The following ACTN1 variants were observed in gnomAD, a reference collection of about 807,000 sequenced individuals.
ACTN1 encodes alpha-actinin-1.
Under a neutral mutation model 119.6 loss-of-function variants are expected in ACTN1, and 30 were observed. That is an observed-to-expected ratio of 0.25 (90% CI 0.19 to 0.34). The LOEUF (loss-of-function observed/expected upper bound fraction) is 0.34, where lower values mean the gene tolerates loss of function less well. ACTN1 is among the 10% of genes least tolerant of loss of function. The probability of loss-of-function intolerance (pLI) is 1.00; values close to 1 mark genes in which losing one functional copy is unlikely to be tolerated. For synonymous variants in ACTN1, 429 were observed against 472.6 expected, an observed-to-expected ratio of 0.91 and a Z score of 1.20; for missense variants, 764 against 1,223.4, an observed-to-expected ratio of 0.62 and a Z score of 5.60.
At chr14:68,945,021 C>T (rs1052112856) in intron 1 of ACTN1, among the ~76,000 whole-genome samples, 1 of 151,882 alleles carries the variant, frequency 6.6e-6, no homozygotes, top group African/African-American at 2.4e-5. Flanking sequence ...ACAAAATTAG[C>T]TGGGTGTGGT....
rs2034492797 is a variant in ACTN1 at position 68,918,984 on chromosome 14, C to G, written c.340+2022G>C. Reference sequence around the variant, plus strand: ...GGTGATACCCATCCTACGAGCCCATCATGAGTGTAGCAGGAGATGGCCCAC... The same window carrying G: ...GGTGATACCCATCCTACGAGCCCATGATGAGTGTAGCAGGAGATGGCCCAC... On this transcript the variant is annotated intron_variant, in intron 3 of 21. Coordinates refer to ENST00000394419, the MANE Select transcript of ACTN1 (RefSeq NM_001130004.2). Among the ~76,000 whole-genome samples the G allele has an allele frequency of 6.6e-5, 10 of 152,340 alleles. No individual in the cohort carries two copies. In the South Asian group the frequency reaches 2.1e-3, roughly 32 times the overall value.
At chr14:68,920,847 A>G (rs2034605224) in intron 3 of ACTN1, among the ~76,000 whole-genome samples, 159 bp downstream of exon 3, 1 of 152,196 alleles carries the variant, frequency 6.6e-6, no homozygotes, top group East Asian at 1.9e-4. Context: ...CGCTGTTGCA[A>G]TACAAAGCCT....
At chr14:68,936,070 G>T (rs10151706) in intron 1 of ACTN1, among the ~76,000 whole-genome samples, 14,544 of 149,306 alleles carry the variant, frequency 0.097, 852 homozygotes, top group South Asian at 0.18. Context: ...GCGCAAACAA[G>T]TCCCTCCTAC....
Position 68,885,334 on chromosome 14 carries a change from C to CAA in ACTN1, c.1385+90_1385+91insTT. On this transcript the variant is annotated intron_variant, in intron 12 of 21. Coordinates refer to ENST00000394419, the MANE Select transcript of ACTN1 (RefSeq NM_001130004.2). This position sits in a 1 kb window ranked among gnomAD's most constrained non-coding sequence, Gnocchi z 5.6. Reference sequence around the variant, plus strand: ...ACCCACCTGTACCCACCCTCCCCATCTTCCACGGCCACACCCCCACCTCCC... The same window carrying CAA: ...ACCCACCTGTACCCACCCTCCCCATCAATTCCACGGCCACACCCCCACCTCCC... 11 of 1,174,758 alleles carry CAA rather than the reference C, an allele frequency of 9.4e-6. No individual in the cohort carries two copies. Among genetic ancestry groups the CAA allele is most frequent in the Non-Finnish European group, 9.3e-6 (8 of 864,462 alleles). 72.8% of individuals were successfully genotyped at this position (1,174,758 alleles called of 1,614,324 possible).
At position 68,887,528 on chromosome 14, in the gene ACTN1, C is replaced by T. The variant is rs1594763662; in HGVS notation, c.1235-1953G>A. On this transcript the variant is annotated intron_variant, in intron 11 of 21. Coordinates refer to ENST00000394419, the MANE Select transcript of ACTN1 (RefSeq NM_001130004.2). ...TGGAATGTTAAGCTGACACCCGAGA[C>T]AGTCAAAGCCTCCCATAATTCAATA... 3 of 1,252,656 alleles carry T rather than the reference C, an allele frequency of 2.4e-6. No individual in the cohort carries two copies. In the South Asian group the frequency reaches 3.8e-5, roughly 16 times the overall value. The allele number at this position is 1,252,656 out of a possible 1,614,324, so 77.6% of individuals were successfully genotyped here.
At chr14:68,935,747 C>A (rs897549799) in intron 1 of ACTN1, among the ~76,000 whole-genome samples, 2 of 152,168 alleles carry the variant, frequency 1.3e-5, no homozygotes, top group Non-Finnish European at 2.9e-5. Flanking sequence ...CTCTGGCTGA[C>A]CTCCCCAGAG....
intron 1 of ACTN1, among the ~76,000 whole-genome samples, chr14:68,936,118 C>T (rs2035493194): frequency 1.3e-5 from 2 of 151,994 alleles, no homozygotes; most frequent in African/African-American, 4.8e-5. Context: ...CCCATCAGAA[C>T]ACGCCTAATG....
chr14:68,941,136 C>A (rs1310239142), intron 1 of ACTN1, among the ~76,000 whole-genome samples: 4 of 152,176 alleles, frequency 2.6e-5, no homozygotes, highest in Non-Finnish European at 5.9e-5. Flanking sequence ...GGCATGAAGC[C>A]CCTGAAGAGC....
chr14:68,894,189 C>T (rs577672634), intron 8 of ACTN1, among the ~76,000 whole-genome samples: 18 of 152,240 alleles, frequency 1.2e-4, no homozygotes, highest in Non-Finnish European at 1.3e-4. Context: ...AATTCAAATC[C>T]GGGAGTCCTG....
chr14:68,891,528 A>G (rs934356699), intron 10 of ACTN1, among the ~76,000 whole-genome samples: 1 of 152,218 alleles, frequency 6.6e-6, no homozygotes, highest in African/African-American at 2.4e-5. Context: ...AAAAAACCAA[A>G]AGGATTAAAA....
chr14:68,910,762 G>T (rs1236942959), intron 4 of ACTN1, among the ~76,000 whole-genome samples: 1 of 152,134 alleles, frequency 6.6e-6, no homozygotes, highest in Non-Finnish European at 1.5e-5. Context: ...TGATTGAGTC[G>T]TGGGCGTGGT....
chr14:68,934,472 T>C (rs10136928), intron 1 of ACTN1, among the ~76,000 whole-genome samples: 15,434 of 152,304 alleles, frequency 0.1, 948 homozygotes, highest in African/African-American at 0.16. Context: ...TCTGATCATT[T>C]CCACTGCTGG....
chr14:68,906,226 A>G (rs1028948084), intron 6 of ACTN1, among the ~76,000 whole-genome samples: 1 of 152,226 alleles, frequency 6.6e-6, no homozygotes, highest in Non-Finnish European at 1.5e-5. Context: ...AAATGGTTAA[A>G]GTGGTAAATT....
chr14:68,964,809 A>G (rs753117773), intron 1 of ACTN1, among the ~76,000 whole-genome samples: 16 of 152,106 alleles, frequency 1.1e-4, no homozygotes, highest in Non-Finnish European at 2.1e-4. Context: ...CACCAAGATC[A>G]CCGCCGCCAC....
chr14:68,953,192 G>A (rs2036229585), intron 1 of ACTN1, among the ~76,000 whole-genome samples: 1 of 152,180 alleles, frequency 6.6e-6, no homozygotes. Context: ...ACTCACAGCT[G>A]TGATGATCTG....
At chr14:68,944,100 A>G (rs2035851585) in intron 1 of ACTN1, among the ~76,000 whole-genome samples, 4 of 152,276 alleles carry the variant, frequency 2.6e-5, no homozygotes, top group Non-Finnish European at 4.4e-5. Flanking sequence ...GCTTAAAGCC[A>G]GCCACGAGAG....
chr14:68,875,274 G>T, intron 21 of ACTN1: 1 of 924,398 alleles, frequency 1.1e-6, no homozygotes, highest in African/African-American at 1.7e-5. Context: ...CTAATTCCAT[G>T]TGCCAATTAC....
chr14:68,915,164 G>C (rs1275967094), intron 3 of ACTN1, among the ~76,000 whole-genome samples: 1 of 152,122 alleles, frequency 6.6e-6, no homozygotes, highest in East Asian at 1.9e-4. Flanking sequence ...AACCTCCACA[G>C]CTTCCCACCT....
chr14:68,892,296 G>C lies in ACTN1; in HGVS notation c.856-13C>G, dbSNP rs1031035185. The C allele has an allele frequency of 6.2e-7, 1 of 1,604,732 alleles. No homozygotes were observed. Among genetic ancestry groups the C allele is most frequent in the Non-Finnish European group, 8.5e-7 (1 of 1,174,234 alleles). On this transcript the variant is annotated splice_polypyrimidine_tract_variant and intron_variant, in intron 9 of 21. Transcript: ENST00000394419. Reference sequence around the variant, plus strand: ...TCCACTCCAACAGCTAGGGTGGGAAGGCGGTGGGGGCAGGAGGTGAGGAGG... The same window carrying C: ...TCCACTCCAACAGCTAGGGTGGGAACGCGGTGGGGGCAGGAGGTGAGGAGG...
Sources: allele counts gnomAD v4.1 joint callset (sites outside exome capture counted in the v4.1 genomes callset), GRCh38; gene constraint gnomAD v4.1.1; non-coding constraint Gnocchi (gnomAD v3.1); transcripts MANE v1.5; gene names NCBI Gene and HGNC (gene_info 2026-07-23, HGNC 2026-07-21).